ADCK2: variants seen among roughly 807,000 people sequenced by gnomAD.
ADCK2 encodes uncharacterized aarF domain-containing protein kinase 2.
ADCK2 carries 37 observed loss-of-function variants against 52.3 expected under a neutral mutation model. The ratio of observed to expected loss-of-function variants is 0.71; its 90% CI spans 0.54 to 0.93. The LOEUF (loss-of-function observed/expected upper bound fraction) is 0.93. Ranked by LOEUF, ADCK2 falls within the 40% of genes least tolerant of loss-of-function variation. The probability of loss-of-function intolerance (pLI) is 0.00; values close to 1 mark genes in which losing one functional copy is unlikely to be tolerated. For missense variants in ADCK2, 695 were observed against 798.7 expected (o/e 0.87, Z 1.56); for synonymous variants, 321 against 349.2 (o/e 0.92, Z 0.90).
chr7:140,673,626 T>G lies in ADCK2; in HGVS notation c.296T>G (p.Leu99Arg), dbSNP rs1801674342. 6.2e-7 allele frequency: 1 copy of G among 1,609,422 alleles called. No individual in the cohort carries two copies. Among genetic ancestry groups the G allele is most frequent in the Admixed American group, 1.7e-5 (1 of 60,004 alleles). The change falls in exon 1 of 8, where the codon CTC (leucine) becomes CGC (arginine). Residue 99 changes from leucine to arginine, a missense_variant. Transcript: ENST00000072869. The surrounding 1 kb of genome is among the most constrained non-coding windows in gnomAD (Gnocchi z 6.4). ...GGCGGCGTCTTCCTGCATCTCCGCC[T>G]CTGGCTTCGCGCCGGCGCTCTGTTG... ...PLGGVFLHLR[L>R]WLRAGALLVK... is the part of the protein sequence containing the mutation.
chr7:140,689,366 A>C (rs1794662981), intron 5 of ADCK2, among the ~76,000 whole-genome samples: 1 of 152,100 alleles, frequency 6.6e-6, no homozygotes, highest in African/African-American at 2.4e-5. Context: ...AGCTGGTTTG[A>C]AAGTGTCCCC....
chr7:140,673,117 C>CGCGCGGCGCGGCGCGGCGCGGCGCG lies in ADCK2; in HGVS notation c.-191_-190insCGGCGCGGCGCGGCGCGGCGCGGCG, dbSNP rs569845382. On this transcript the variant is annotated 5_prime_UTR_variant, in exon 1 of 8. Transcript: ENST00000072869. The surrounding 1 kb of genome is among the most constrained non-coding windows in gnomAD (Gnocchi z 6.4). Reference sequence around the variant, plus strand: ...GTTGGTGCCGTCTGACAGCCCCTTCCGCGCGGCGCGGCGCGGCGCGGCGGG... The same window carrying CGCGCGGCGCGGCGCGGCGCGGCGCG: ...GTTGGTGCCGTCTGACAGCCCCTTCCGCGCGGCGCGGCGCGGCGCGGCGCGGCGCGGCGCGGCGCGGCGCGGCGGG... The CGCGCGGCGCGGCGCGGCGCGGCGCG allele has an allele frequency of 3.3e-6, 1 of 302,056 alleles. No individual in the cohort carries two copies. Among genetic ancestry groups the CGCGCGGCGCGGCGCGGCGCGGCGCG allele is most frequent in the African/African-American group, 2.3e-5 (1 of 44,136 alleles). The allele number at this position is 302,056 out of a possible 1,614,324, so 18.7% of individuals were successfully genotyped here. A position where few individuals can be genotyped will look rare whatever the true frequency, so the allele number is the denominator to read the frequency against.
At chr7:140,675,063 T>G (rs1184701836) in intron 2 of ADCK2, among the ~76,000 whole-genome samples, 37 of 152,100 alleles carry the variant, frequency 2.4e-4, no homozygotes, top group Non-Finnish European at 8.8e-5. Context: ...GCCAACATGG[T>G]GTAACCCTGT....
chr7:140,682,198 A>G (rs1794528108), intron 4 of ADCK2, among the ~76,000 whole-genome samples: 1 of 152,208 alleles, frequency 6.6e-6, no homozygotes, highest in African/African-American at 2.4e-5. Flanking sequence ...GACTAAGTAA[A>G]TGATTTATAG....
chr7:140,681,213 C>A, intron 4 of ADCK2, 76 bp downstream of exon 4: 1 of 1,407,160 alleles, frequency 7.1e-7, no homozygotes, highest in Non-Finnish European at 1.0e-6. Flanking sequence ...GGGACTCTGG[C>A]TATCTGGGTG....
In ADCK2 at chr7:140,673,648, G is replaced by A. The variant is rs1376307359; in HGVS notation, c.318G>A (p.Leu106=). Residue 106 remains leucine, a synonymous_variant, in exon 1 of 8, where the codon CTG becomes CTA. Transcript: ENST00000072869. The surrounding 1 kb of genome is among the most constrained non-coding windows in gnomAD (Gnocchi z 6.4). ...HLRLWLRAGA[L]LVKFFPLLLL... ...GCCTCTGGCTTCGCGCCGGCGCTCT[G>A]TTGGTGAAATTCTTCCCCCTCCTAC... 1 of 1,610,546 alleles carries A rather than the reference G, an allele frequency of 6.2e-7. No individual in the cohort carries two copies. Among genetic ancestry groups the A allele is most frequent in the Non-Finnish European group, 8.5e-7 (1 of 1,179,962 alleles).
intron 2 of ADCK2, among the ~76,000 whole-genome samples, chr7:140,677,054 CAAAA>C (rs1329408243): frequency 3.3e-5 from 5 of 150,682 alleles, no homozygotes; most frequent in Admixed American, 2.0e-4. Flanking sequence ...AACAAACAAA[CAAAA>C]AACTCTGTTA....
intron 4 of ADCK2, among the ~76,000 whole-genome samples, chr7:140,686,332 G>A (rs1420188227): frequency 6.6e-6 from 1 of 152,174 alleles, no homozygotes; most frequent in Non-Finnish European, 1.5e-5. Context: ...CCAGACTGGA[G>A]TGCAGTGGCA....
At chr7:140,694,131 G>A (rs950453166) in intron 7 of ADCK2, among the ~76,000 whole-genome samples, 4 of 152,172 alleles carry the variant, frequency 2.6e-5, no homozygotes, top group South Asian at 2.1e-4. Context: ...GATCAGCCTC[G>A]TCAACATTGC....
chr7:140,677,654 G>A (rs1794442816), intron 2 of ADCK2, among the ~76,000 whole-genome samples: 1 of 152,134 alleles, frequency 6.6e-6, no homozygotes. Context: ...TAGGTTATAT[G>A]CAAATACTGT....
In ADCK2 at chr7:140,682,578, G is replaced by A. The variant is rs144801025; in HGVS notation, c.1305+1441G>A. Among the ~76,000 whole-genome samples, 221 of 152,234 alleles carry A rather than the reference G, an allele frequency of 1.5e-3. 2 individuals carry two copies. The highest frequency in any genetic ancestry group is 4.9e-3 in the African/African-American group (202 of 41,532). On this transcript the variant is annotated intron_variant, in intron 4 of 7. Transcript: ENST00000072869. ...CAAGGGCAGATAAGTTCATTTTGAA[G>A]ATTTTTGCCCTTAACTTTAAAAAAT...
chr7:140,681,231 G>A, intron 4 of ADCK2, 94 bp downstream of exon 4: 1 of 1,204,528 alleles, frequency 8.3e-7, no homozygotes, highest in Non-Finnish European at 1.2e-6. Context: ...GTGGGAAGGA[G>A]AGCGAAGCAG....
chr7:140,674,856 A>G lies in ADCK2; in HGVS notation c.1080+99A>G. The G allele has an allele frequency of 1.4e-6, 2 of 1,403,888 alleles. No homozygotes were observed. Among genetic ancestry groups the G allele is most frequent in the East Asian group, 2.5e-5 (1 of 40,322 alleles). The allele number at this position is 1,403,888 out of a possible 1,614,324, so 87.0% of individuals were successfully genotyped here. A position where few individuals can be genotyped will look rare whatever the true frequency, so the allele number is the denominator to read the frequency against. On this transcript the variant is annotated intron_variant, in intron 2 of 7. Coordinates refer to ENST00000072869, the MANE Select transcript of ADCK2 (RefSeq NM_052853.4). The surrounding 1 kb of genome is among the most constrained non-coding windows in gnomAD (Gnocchi z 4.6). ...TGAATGAATAATTTTCTGGTATGTC[A>G]TAACTCATGTGATGTGTTAGAGCTG... is the stretch of plus-strand genomic sequence containing the variant.
At position 140,681,061 on chromosome 7, in the gene ADCK2, G is replaced by C. The variant is rs1164591631; in HGVS notation, c.1229G>C (p.Ser410Thr). ...CTGAAGGAGAGTGTGCCTGTGTCCA[G>C]TTACCAGCAGGCAGGAATTCCCGTG... The part of the protein sequence containing the change: ...ETYEESVPVS[S>T]YQQAGIPVDL... Residue 410 changes from serine (S) to threonine (T), a missense_variant, in exon 4 of 8, where the codon AGT becomes ACT. By Grantham distance (58) the Ser-to-Thr change is moderately conservative (BLOSUM62 1). Transcript: ENST00000072869. The C allele has an allele frequency of 1.9e-6, 3 of 1,614,154 alleles. No individual in the cohort carries two copies. The highest frequency in any genetic ancestry group is 2.5e-6 in the Non-Finnish European group (3 of 1,180,022).
intron 5 of ADCK2, among the ~76,000 whole-genome samples, chr7:140,687,683 C>T (rs1450079882): frequency 6.6e-6 from 1 of 150,828 alleles, no homozygotes; most frequent in Non-Finnish European, 1.5e-5. Context: ...CACTTCACTC[C>T]AGCCTGGGTG....
At chr7:140,690,080 TA>T (rs1794677871) in intron 6 of ADCK2, among the ~76,000 whole-genome samples, 2 of 152,210 alleles carry the variant, frequency 1.3e-5, no homozygotes, top group African/African-American at 4.8e-5. Context: ...CTTTGTATTT[TA>T]TACACAGTTC....
Position 140,674,619 on chromosome 7 carries a change from C to T in ADCK2, c.942C>T (p.His314=), listed in dbSNP as rs962501117. 3 of 1,613,380 alleles carry T rather than the reference C, an allele frequency of 1.9e-6. No homozygotes were observed. The highest frequency in any genetic ancestry group is 1.1e-5 in the South Asian group (1 of 91,006). Reference sequence around the variant, plus strand: ...GTTCCTCTTTCTGACAGGTGTTGCACCCTGGCCTGCTCGCTCAGGTGCATA... The same window carrying T: ...GTTCCTCTTTCTGACAGGTGTTGCATCCTGGCCTGCTCGCTCAGGTGCATA... The part of the protein sequence containing the change: ...NLISVAVKVL[H]PGLLAQVHMD... The change falls in exon 2 of 8, where the codon CAC becomes CAT. Residue 314 remains histidine (H), a synonymous_variant. Coordinates refer to ENST00000072869, the MANE Select transcript of ADCK2 (RefSeq NM_052853.4). This position sits in a 1 kb window ranked among gnomAD's most constrained non-coding sequence, Gnocchi z 4.6.
rs3748092 is a variant in ADCK2 at position 140,681,084 on chromosome 7, G to A, written c.1252G>A (p.Val418Met). 56 of 1,614,126 alleles carry A rather than the reference G, an allele frequency of 3.5e-5. No homozygotes were observed. The highest frequency in any genetic ancestry group is 1.6e-4 in the East Asian group (7 of 44,876). Residue 418 changes from valine (V) to methionine (M), a missense_variant, in exon 4 of 8, where the codon GTG (valine) becomes ATG (methionine). Coordinates refer to ENST00000072869, the MANE Select transcript of ADCK2 (RefSeq NM_052853.4). ...VSSYQQAGIP[V>M]DLKRKIARLG... The stretch of plus-strand genomic sequence containing the variant: ...CAGTTACCAGCAGGCAGGAATTCCC[G>A]TGGACTTGAAAAGGAAGATTGCACG...
At position 140,674,108 on chromosome 7, in the gene ADCK2, G is replaced by T. The variant is rs890744377; in HGVS notation, c.778G>T (p.Gly260Cys). ...LRELFGYLGNGRKPPENLADQ... is the reference protein window; with the variant it reads ...LRELFGYLGNCRKPPENLADQ... ...AGAGCTCTTTGGATACCTTGGAAAT[G>T]GCCGGAAACCTCCAGAAAATCTCGC... Residue 260 changes from glycine (G) to cysteine (C), a missense_variant, in exon 1 of 8, where the codon GGC becomes TGC. Transcript: ENST00000072869. The surrounding 1 kb of genome is among the most constrained non-coding windows in gnomAD (Gnocchi z 4.6). The T allele has an allele frequency of 3.7e-6, 6 of 1,614,166 alleles. No individual in the cohort carries two copies. Among genetic ancestry groups the T allele is most frequent in the Non-Finnish European group, 5.1e-6 (6 of 1,180,026 alleles).
Sources: gnomAD v4.1 joint callset for allele counts (sites outside exome capture counted in the v4.1 genomes callset) on GRCh38, gnomAD v4.1.1 for gene constraint, Gnocchi (gnomAD v3.1) non-coding constraint, MANE v1.5 for transcripts, NCBI Gene and HGNC (gene_info 2026-07-23, HGNC 2026-07-21) for gene names.